Variants in TRIO observed in about 807,000 individuals in gnomAD.
TRIO encodes the protein trio Rho guanine nucleotide exchange factor.
A neutral mutation model predicts 351.9 loss-of-function variants in TRIO; 58 were observed. That is an observed-to-expected ratio of 0.16 (90% CI 0.13 to 0.21). TRIO has a LOEUF of 0.21. Among genes scored for constraint, TRIO ranks in the 10% least tolerant of loss-of-function variants. The pLI, the probability that TRIO is intolerant of heterozygous loss-of-function variation, is 1.00. For missense variants in TRIO, 3,201 were observed against 4,027.8 expected (o/e 0.79, Z 5.56); for synonymous variants, 1,758 against 1,595.7 (o/e 1.10, Z -2.42).
At chr5:14,260,406 C>A (rs1795277881) in intron 1 of TRIO, among the ~76,000 whole-genome samples, 1 of 152,142 alleles carries the variant, frequency 6.6e-6, no homozygotes, top group African/African-American at 2.4e-5. Context: ...TTCTTAAAAT[C>A]AGGAACATGC....
intron 1 of TRIO, among the ~76,000 whole-genome samples, chr5:14,185,106 C>T (rs1458889606): frequency 6.6e-6 from 1 of 152,070 alleles, no homozygotes; most frequent in Non-Finnish European, 1.5e-5. Context: ...GATTTTCAAT[C>T]CTGAACATCT....
intron 1 of TRIO, among the ~76,000 whole-genome samples, chr5:14,154,529 A>G (rs1787998211): frequency 1.3e-5 from 2 of 151,796 alleles, no homozygotes; most frequent in African/African-American, 4.8e-5. Context: ...TTTCCTTCCC[A>G]CTGTCTCAGG....
At chr5:14,294,024 AAT>A (rs1737136033) in intron 6 of TRIO, among the ~76,000 whole-genome samples, 7 of 9,062 alleles carry the variant, frequency 7.7e-4, no homozygotes, top group East Asian at 1.2e-3. Flanking sequence ...AAAAAAAAAT[AAT>A]AATTAAAAAA....
chr5:14,406,010 T>C lies in TRIO; in HGVS notation c.4859+20T>C. ...AAGGAGGTGCGTGTCTGGGCGCCAC[T>C]GGAGGTTTGTGGATGTGGGAGGGAG... On this transcript the variant is annotated intron_variant, in intron 32 of 56. Transcript: ENST00000344204. 2 of 1,606,666 alleles carry C rather than the reference T, an allele frequency of 1.2e-6. No homozygotes were observed. The highest frequency in any genetic ancestry group is 1.7e-6 in the Non-Finnish European group (2 of 1,174,780).
At chr5:14,396,390 C>G (rs1238675917) in intron 28 of TRIO, among the ~76,000 whole-genome samples, 1 of 143,050 alleles carries the variant, frequency 7.0e-6, no homozygotes, top group Non-Finnish European at 1.5e-5. Flanking sequence ...TGGCAGTCAG[C>G]TGTAACCAGT....
chr5:14,204,583 G>A (rs889562377), intron 1 of TRIO, among the ~76,000 whole-genome samples: 3 of 152,122 alleles, frequency 2.0e-5, no homozygotes, highest in African/African-American at 7.2e-5. Context: ...ATTAAGTAGA[G>A]ATTTCAAGAA....
At chr5:14,162,876 G>T (rs1425999900) in intron 1 of TRIO, among the ~76,000 whole-genome samples, 2 of 152,054 alleles carry the variant, frequency 1.3e-5, no homozygotes, top group African/African-American at 4.8e-5. Flanking sequence ...GCACGATCTT[G>T]GCTCACTGCA....
intron 1 of TRIO, among the ~76,000 whole-genome samples, chr5:14,218,222 C>T (rs540580262): frequency 7.2e-5 from 11 of 152,294 alleles, no homozygotes; most frequent in South Asian, 6.2e-4. Flanking sequence ...CCTGGACCCC[C>T]TTTGGCAGGT....
intron 43 of TRIO, among the ~76,000 whole-genome samples, chr5:14,480,815 G>T (rs918296762): frequency 6.6e-6 from 1 of 152,134 alleles, no homozygotes; most frequent in Non-Finnish European, 1.5e-5. Flanking sequence ...CACCAGACAG[G>T]TGTGGTGGTA....
chr5:14,396,636 AT>A (rs1165787196), intron 28 of TRIO, among the ~76,000 whole-genome samples: 84 of 142,486 alleles, frequency 5.9e-4, no homozygotes, highest in Admixed American at 7.7e-4. Flanking sequence ...TGCCCAGCTA[AT>A]TTTTTTTTTT....
At chr5:14,225,464 T>A (rs1200329808) in intron 1 of TRIO, among the ~76,000 whole-genome samples, 3 of 152,154 alleles carry the variant, frequency 2.0e-5, no homozygotes, top group African/African-American at 7.2e-5. Flanking sequence ...CATCTGAAGC[T>A]TGGGGTCCTG....
At chr5:14,403,564 TGTG>T (rs1171784036) in intron 31 of TRIO, among the ~76,000 whole-genome samples, 15 of 12,770 alleles carry the variant, frequency 1.2e-3, no homozygotes, top group South Asian at 2.6e-3. Flanking sequence ...GGGTGCAGGT[TGTG>T]GTGGTGAGGG....
chr5:14,296,292 G>A (rs1194877193), intron 6 of TRIO, among the ~76,000 whole-genome samples: 2 of 152,132 alleles, frequency 1.3e-5, no homozygotes, highest in African/African-American at 4.8e-5. Context: ...CAGCAACTTC[G>A]GATTTGCTGA....
At chr5:14,262,273 G>C (rs1053342093) in intron 1 of TRIO, among the ~76,000 whole-genome samples, 1 of 152,166 alleles carries the variant, frequency 6.6e-6, no homozygotes. Context: ...TAGTTGAGCA[G>C]TGGGGACTCC....
chr5:14,361,295 G>A (rs1314517410), intron 13 of TRIO, among the ~76,000 whole-genome samples: 2 of 152,118 alleles, frequency 1.3e-5, no homozygotes, highest in Non-Finnish European at 2.9e-5. Flanking sequence ...AACCAGATTA[G>A]GAAACAAAAA....
Position 14,359,549 on chromosome 5 carries a change from G to A in TRIO, c.2391+18G>A. 6.2e-7 allele frequency: 1 copy of A among 1,609,272 alleles called. No homozygotes were observed. Among genetic ancestry groups the A allele is most frequent in the Non-Finnish European group, 8.5e-7 (1 of 1,176,676 alleles). On this transcript the variant is annotated intron_variant, in intron 13 of 56. Coordinates refer to ENST00000344204, the MANE Select transcript of TRIO (RefSeq NM_007118.4). ...CCATCGACGTGAGTGTCCCGCGGCT[G>A]GCGCCTGCCTGCCTGTGGGAGCCCT...
At chr5:14,265,252 C>T (rs1795603221) in intron 1 of TRIO, among the ~76,000 whole-genome samples, 1 of 151,936 alleles carries the variant, frequency 6.6e-6, no homozygotes. Context: ...AGTTTAGAAT[C>T]GCATCAGTTC....
intron 25 of TRIO, among the ~76,000 whole-genome samples, chr5:14,389,704 T>C (rs1746877586): frequency 6.6e-6 from 1 of 152,182 alleles, no homozygotes; most frequent in Non-Finnish European, 1.5e-5. Flanking sequence ...CTTCTGAGGG[T>C]TGAGAGACAG....
chr5:14,504,860 A>AC lies in TRIO; in HGVS notation c.8612+275dup, dbSNP rs34053982. On this transcript the variant is annotated intron_variant, in intron 55 of 56. Coordinates refer to ENST00000344204, the MANE Select transcript of TRIO (RefSeq NM_007118.4). The stretch of plus-strand genomic sequence containing the variant: ...ATATGCTCAGCCAACCCGGAGATGC[A>AC]CCCCCCCCACCCCTTTTCTGAAGGT... Among the ~76,000 whole-genome samples, 52,152 of 148,990 alleles carry AC rather than the reference A, an allele frequency of 0.35. 10,515 individuals are homozygous for AC. The highest frequency in any genetic ancestry group is 0.57 in the African/African-American group (22,702 of 40,130).
Sources: gnomAD v4.1 joint callset for allele counts (sites outside exome capture counted in the v4.1 genomes callset) on GRCh38, gnomAD v4.1.1 for gene constraint, MANE v1.5 for transcripts, NCBI Gene and HGNC (gene_info 2026-07-23, HGNC 2026-07-21) for gene names.